The following FAM149B1 variants were observed in gnomAD, a reference collection of about 807,000 sequenced individuals.
FAM149B1 encodes family with sequence similarity 149 member B1, also known as primary cilium assembly protein FAM149B1.
Under a neutral mutation model 75.3 loss-of-function variants are expected in FAM149B1, and 56 were observed. That is an observed-to-expected ratio of 0.74 (90% confidence interval 0.60 to 0.93). FAM149B1 has a LOEUF of 0.93. Among genes scored for constraint, FAM149B1 ranks in the 40% least tolerant of loss-of-function variants. The pLI, the probability that FAM149B1 is intolerant of heterozygous loss-of-function variation, is 0.00. For missense variants in FAM149B1, 639 were observed against 708.4 expected, an observed-to-expected ratio of 0.90 and a Z score of 1.11; for synonymous variants, 259 against 256.1, an observed-to-expected ratio of 1.01 and a Z score of -0.11.
chr10:73,235,586 T>TC, intron 12 of FAM149B1: 1 of 551,682 alleles, frequency 1.8e-6, no homozygotes. Flanking sequence ...GAATATTAAA[T>TC]CCCAGTACAC....
intron 3 of FAM149B1, 95 bp downstream of exon 3, chr10:73,178,070 T>C: frequency 8.2e-7 from 1 of 1,224,448 alleles, no homozygotes. Flanking sequence ...TCTCCTGCAT[T>C]GTTTCTTTAC....
At chr10:73,176,013 T>C (rs975559954) in intron 2 of FAM149B1, among the ~76,000 whole-genome samples, 1 of 152,164 alleles carries the variant, frequency 6.6e-6, no homozygotes, top group African/African-American at 2.4e-5. Flanking sequence ...ACACTTTATT[T>C]CTATTATTTT....
chr10:73,226,972 A>G (rs543285861), intron 7 of FAM149B1, among the ~76,000 whole-genome samples: 1 of 152,382 alleles, frequency 6.6e-6, no homozygotes. Flanking sequence ...CTGTAACCTC[A>G]AAGTATATAA....
intron 1 of FAM149B1, among the ~76,000 whole-genome samples, chr10:73,174,420 T>C (rs1035031132): frequency 6.6e-6 from 1 of 152,004 alleles, no homozygotes; most frequent in Non-Finnish European, 1.5e-5. Flanking sequence ...TTTAAGAATA[T>C]ATTTTAACAA....
chr10:73,208,545 C>T, intron 5 of FAM149B1, 74 bp from the exon 6 acceptor site: 8 of 1,123,068 alleles, frequency 7.1e-6, no homozygotes, highest in Non-Finnish European at 9.9e-6. Flanking sequence ...TGAGCCAAAA[C>T]TCATGTAACT....
chr10:73,231,791 GA>G (rs1564714385), intron 9 of FAM149B1, among the ~76,000 whole-genome samples: 1 of 152,238 alleles, frequency 6.6e-6, no homozygotes, highest in East Asian at 1.9e-4. Flanking sequence ...GAAGAGGTCG[GA>G]TCTAGAGACC....
At position 73,239,259 on chromosome 10, in the gene FAM149B1, T is replaced by C. The variant is rs2043890275; in HGVS notation, c.1603-53T>C. 5 of 1,444,036 alleles carry C rather than the reference T, an allele frequency of 3.5e-6. No homozygotes were observed. In the South Asian group the frequency reaches 6.1e-5, roughly 18 times the overall value. 89.5% of individuals were successfully genotyped at this position (1,444,036 alleles called of 1,614,324 possible). A position where few individuals can be genotyped will look rare whatever the true frequency, so the allele number is the denominator to read the frequency against. On this transcript the variant is annotated intron_variant, in intron 12 of 13. Coordinates refer to ENST00000242505, the MANE Select transcript of FAM149B1 (RefSeq NM_173348.2). ...TGTTCCTGTGAACCTGCTAAAATAT[T>C]ATCCTTTGTGAGAAGATGCATCATA...
chr10:73,214,442 G>T (rs554394996), intron 7 of FAM149B1, among the ~76,000 whole-genome samples: 16 of 152,242 alleles, frequency 1.1e-4, no homozygotes, highest in African/African-American at 3.6e-4. Context: ...TGGGTTTGTT[G>T]TTTATGGCCT....
intron 7 of FAM149B1, among the ~76,000 whole-genome samples, chr10:73,223,382 G>T (rs566141826): frequency 3.3e-5 from 5 of 152,008 alleles, no homozygotes; most frequent in Non-Finnish European, 5.9e-5. Flanking sequence ...TGTTTTGCTC[G>T]CAACAAGTTT....
chr10:73,206,203 C>G (rs1487764976), intron 5 of FAM149B1, among the ~76,000 whole-genome samples: 1 of 152,160 alleles, frequency 6.6e-6, no homozygotes, highest in Non-Finnish European at 1.5e-5. Flanking sequence ...CCCTAGAGAT[C>G]TATGGAATTT....
intron 7 of FAM149B1, among the ~76,000 whole-genome samples, chr10:73,216,679 T>C (rs1340194488): frequency 1.3e-5 from 2 of 152,166 alleles, no homozygotes; most frequent in Non-Finnish European, 2.9e-5. Flanking sequence ...TAGGTATGCA[T>C]AGAAGAGCTT....
intron 5 of FAM149B1, among the ~76,000 whole-genome samples, chr10:73,193,961 C>T (rs114124890): frequency 6.4e-4 from 98 of 152,280 alleles, no homozygotes; most frequent in African/African-American, 2.2e-3. Context: ...CAAGGCAGTA[C>T]AGGGACTCAC....
chr10:73,208,699 T>C lies in FAM149B1; in HGVS notation c.623T>C (p.Phe208Ser). 3 of 1,549,358 alleles carry C rather than the reference T, an allele frequency of 1.9e-6. No homozygotes were observed. The highest frequency in any genetic ancestry group is 2.6e-6 in the Non-Finnish European group (3 of 1,145,534). ...TCTTCCATTGCCAAATCCTCCAGCT[T>C]TTGTTCTATGGAAAGAGATGAGGAA... The part of the protein sequence containing the change: ...KASSIAKSSS[F>S]CSMERDEEDS... The change falls in exon 6 of 14, where the codon TTT becomes TCT. Residue 208 changes from phenylalanine to serine, a missense_variant. Transcript: ENST00000242505.
chr10:73,189,334 G>T (rs1780564171), intron 3 of FAM149B1, among the ~76,000 whole-genome samples: 1 of 152,138 alleles, frequency 6.6e-6, no homozygotes, highest in African/African-American at 2.4e-5. Context: ...AAATAGTTTA[G>T]TAATTTCTTT....
intron 3 of FAM149B1, among the ~76,000 whole-genome samples, chr10:73,190,539 T>C (rs907755821): frequency 6.6e-6 from 1 of 151,988 alleles, no homozygotes; most frequent in African/African-American, 2.4e-5. Context: ...ATAATTTTTA[T>C]TGGGTAGGGG....
rs778281633 is a variant in FAM149B1, at chr10:73,234,829, C to G, written c.1365C>G (p.Pro455=). ...GTGGGATCTGCAGCCCAGTGGCACC[C>G]GACTCGCTCTCCTCTCCCTCACCGA... ...ILRGARVPVA[P]DSLSSPSPTP... The change falls in exon 11 of 14, where the codon CCC becomes CCG. Residue 455 remains proline, a synonymous_variant. Transcript: ENST00000242505. 1 of 1,551,520 alleles carries G rather than the reference C, an allele frequency of 6.4e-7. No homozygotes were observed. Among genetic ancestry groups the G allele is most frequent in the Non-Finnish European group, 8.7e-7 (1 of 1,146,974 alleles).
At chr10:73,201,016 G>T in intron 5 of FAM149B1, 1 of 310,290 alleles carries the variant, frequency 3.2e-6, no homozygotes. Context: ...ACGTGGGACT[G>T]ATGTCCAACA....
intron 3 of FAM149B1, among the ~76,000 whole-genome samples, chr10:73,185,747 A>C (rs759752421): frequency 3.9e-5 from 6 of 152,244 alleles, no homozygotes; most frequent in Admixed American, 1.3e-4. Context: ...AGAATTCTTC[A>C]TATAAGAGAT....
intron 7 of FAM149B1, among the ~76,000 whole-genome samples, chr10:73,225,539 T>C (rs1341915061): frequency 4.6e-5 from 7 of 152,192 alleles, no homozygotes; most frequent in Admixed American, 3.3e-4. Flanking sequence ...CCTTAAGCTG[T>C]TATTTCAAAA....
Sources: allele counts gnomAD v4.1 joint callset (sites outside exome capture counted in the v4.1 genomes callset), GRCh38; gene constraint gnomAD v4.1.1; transcripts MANE v1.5; gene names NCBI Gene and HGNC (gene_info 2026-07-23, HGNC 2026-07-21).